The following SNX4 variants were observed in gnomAD, a reference collection of about 807,000 sequenced individuals.
SNX4 encodes the protein sorting nexin-4.
In SNX4, 49 loss-of-function variants were observed where a neutral mutation model predicts 70.8. The ratio of observed to expected loss-of-function variants is 0.69; its 90% confidence interval spans 0.55 to 0.88. The LOEUF (loss-of-function observed/expected upper bound fraction) is 0.88. SNX4 is among the 40% of genes least tolerant of loss of function. The pLI, the probability that SNX4 is intolerant of heterozygous loss-of-function variation, is 0.00. For synonymous variants in SNX4, 206 were observed against 183.8 expected (o/e 1.12, Z -0.98); for missense variants, 528 against 544.8 (o/e 0.97, Z 0.31).
rs991890260 is a variant in SNX4, at chr3:125,482,135, T to C, written c.654-1816A>G. The stretch of plus-strand genomic sequence containing the variant: ...ATCTTCCAATCAGTCTTTCAATCTA[T>C]ACATTCCTATGTGACTTGTCATTCA... On this transcript the variant is annotated intron_variant, in intron 6 of 13. Coordinates refer to ENST00000251775, the MANE Select transcript of SNX4 (RefSeq NM_003794.4). Among the ~76,000 whole-genome samples, 4 of 152,338 alleles carry C rather than the reference T, an allele frequency of 2.6e-5. No individual in the cohort carries two copies. The East Asian group carries it at 7.7e-4, about 29-fold the overall frequency.
intron 5 of SNX4, among the ~76,000 whole-genome samples, chr3:125,490,507 G>T (rs1373114690): frequency 1.6e-5 from 2 of 128,442 alleles, no homozygotes; most frequent in East Asian, 2.4e-4. Flanking sequence ...CTGGGCGACA[G>T]AGTGAGACTC....
At chr3:125,471,221 G>A (rs1029449884) in intron 8 of SNX4, among the ~76,000 whole-genome samples, 1 of 151,724 alleles carries the variant, frequency 6.6e-6, no homozygotes, top group Admixed American at 6.6e-5. Context: ...GCACATGCCT[G>A]TAATCCCAGC....
chr3:125,480,850 C>T (rs1344226709), intron 6 of SNX4, among the ~76,000 whole-genome samples: 1 of 152,134 alleles, frequency 6.6e-6, no homozygotes, highest in Non-Finnish European at 1.5e-5. Flanking sequence ...AACTTACACA[C>T]TTCCCCATAT....
At chr3:125,504,111 G>A (rs190622490) in intron 2 of SNX4, among the ~76,000 whole-genome samples, 29 of 152,086 alleles carry the variant, frequency 1.9e-4, no homozygotes, top group African/African-American at 4.8e-4. Context: ...CGGGTGGATC[G>A]TTTGAGATCA....
At chr3:125,510,704 G>C (rs1935151231) in intron 1 of SNX4, among the ~76,000 whole-genome samples, 1 of 152,098 alleles carries the variant, frequency 6.6e-6, no homozygotes, top group African/African-American at 2.4e-5. Flanking sequence ...TGTATATGAG[G>C]TACTCGGAAT....
At chr3:125,508,985 G>T (rs922156277) in intron 1 of SNX4, among the ~76,000 whole-genome samples, 1 of 152,074 alleles carries the variant, frequency 6.6e-6, no homozygotes, top group African/African-American at 2.4e-5. Context: ...GGCAGTAAAA[G>T]AAAAAATTGG....
At chr3:125,519,937 T>TAGCCC (rs1935368095) in intron 1 of SNX4, 95 bp downstream of exon 1, 1 of 868,230 alleles carries the variant, frequency 1.2e-6, no homozygotes, top group South Asian at 2.3e-5. Context: ...CCGAGCCCAC[T>TAGCCC]GGCCCGGCCC....
At chr3:125,504,818 T>C in intron 1 of SNX4, 74 bp from the exon 2 acceptor site, 2 of 1,497,890 alleles carry the variant, frequency 1.3e-6, no homozygotes, top group Non-Finnish European at 1.8e-6. Flanking sequence ...CTCAGCTATA[T>C]AAATTAAACC....
At chr3:125,449,549 A>G (rs763204893) in intron 13 of SNX4, among the ~76,000 whole-genome samples, 9 of 152,190 alleles carry the variant, frequency 5.9e-5, no homozygotes, top group African/African-American at 1.2e-4. Context: ...ATAAAAATCT[A>G]TATCACTTAG....
At chr3:125,477,622 C>CATTA (rs542608663) in intron 7 of SNX4, among the ~76,000 whole-genome samples, 245 of 152,278 alleles carry the variant, frequency 1.6e-3, no homozygotes, top group African/African-American at 5.4e-3. Flanking sequence ...AGGAATTAGA[C>CATTA]ATTAATGATA....
In SNX4 at chr3:125,447,769, A is replaced by G. The variant is rs1441525452; in HGVS notation, c.*10T>C. ...GGCACTTTGATTGAAGAGAAATTCA[A>G]TTCACAGGATTACATCTTGCTAAAG... On this transcript the variant is annotated 3_prime_UTR_variant, in exon 14 of 14. Coordinates refer to ENST00000251775, the MANE Select transcript of SNX4 (RefSeq NM_003794.4). The G allele has an allele frequency of 1.3e-6, 2 of 1,583,840 alleles. No individual in the cohort carries two copies. The highest frequency in any genetic ancestry group is 1.7e-6 in the Non-Finnish European group (2 of 1,166,252).
At chr3:125,463,703 T>C (rs935168421) in intron 9 of SNX4, among the ~76,000 whole-genome samples, 1 of 152,222 alleles carries the variant, frequency 6.6e-6, no homozygotes, top group Non-Finnish European at 1.5e-5. Context: ...CAGTGTACAA[T>C]GTGATGTTTT....
At chr3:125,495,053 T>C (rs888640489) in intron 5 of SNX4, among the ~76,000 whole-genome samples, 1 of 151,766 alleles carries the variant, frequency 6.6e-6, no homozygotes, top group Non-Finnish European at 1.5e-5. Flanking sequence ...TCTGAATACC[T>C]ATAATAAAAT....
intron 5 of SNX4, among the ~76,000 whole-genome samples, chr3:125,496,687 C>T (rs886970491): frequency 2.0e-5 from 3 of 152,068 alleles, no homozygotes; most frequent in Non-Finnish European, 4.4e-5. Flanking sequence ...CTCAAGTGTC[C>T]AGCTTACCAC....
chr3:125,459,101 G>A (rs1012440219), intron 10 of SNX4, among the ~76,000 whole-genome samples: 4 of 152,172 alleles, frequency 2.6e-5, no homozygotes, highest in South Asian at 2.1e-4. Flanking sequence ...TTGTACCCAG[G>A]AGGCAGAGGT....
chr3:125,498,302 C>CTTA, intron 2 of SNX4, 108 bp from the exon 3 acceptor site: 1 of 1,037,838 alleles, frequency 9.6e-7, no homozygotes, highest in South Asian at 1.7e-5. Flanking sequence ...GAACCAGGCA[C>CTTA]TAAGTAAAGA....
At position 125,517,640 on chromosome 3, in the gene SNX4, C is replaced by T. The variant is rs1311812343; in HGVS notation, c.141+2392G>A. ...AATTCTGAAATATTTGCCCAAATGGCTTGTGCCTCTTTATGAATTACTAAA... is the reference window on the plus strand; with the variant it reads ...AATTCTGAAATATTTGCCCAAATGGTTTGTGCCTCTTTATGAATTACTAAA... On this transcript the variant is annotated intron_variant, in intron 1 of 13. Coordinates refer to ENST00000251775, the MANE Select transcript of SNX4 (RefSeq NM_003794.4). Among the ~76,000 whole-genome samples, 9 of 152,286 alleles carry T rather than the reference C, an allele frequency of 5.9e-5. No homozygotes were observed. The Middle Eastern group carries it at 0.02, about 345-fold the overall frequency.
intron 13 of SNX4, among the ~76,000 whole-genome samples, chr3:125,449,414 G>A (rs1933517913): frequency 6.9e-6 from 1 of 145,644 alleles, no homozygotes; most frequent in Non-Finnish European, 1.5e-5. Flanking sequence ...GTGAGACTCT[G>A]TCTCAAAAAA....
chr3:125,506,330 C>A (rs187519501), intron 1 of SNX4, among the ~76,000 whole-genome samples: 2 of 151,310 alleles, frequency 1.3e-5, no homozygotes, highest in East Asian at 3.9e-4. Flanking sequence ...AAGACTTTAT[C>A]CCTTTTTTCA....
Sources: gnomAD v4.1 joint callset for allele counts (sites outside exome capture counted in the v4.1 genomes callset) on GRCh38, gnomAD v4.1.1 for gene constraint, MANE v1.5 for transcripts, NCBI Gene and HGNC (gene_info 2026-07-23, HGNC 2026-07-21) for gene names.